UBE2F: variants seen among roughly 807,000 people sequenced by gnomAD.
The protein encoded by UBE2F is NEDD8-conjugating enzyme UBE2F.
UBE2F carries 5 observed loss-of-function variants against 29.6 expected under a neutral mutation model. That is an observed-to-expected ratio of 0.17 (90% CI 0.09 to 0.36). The LOEUF (loss-of-function observed/expected upper bound fraction) is 0.36. Ranked by LOEUF, UBE2F falls within the 10% of genes least tolerant of loss-of-function variation. UBE2F has a pLI of 1.00. For missense variants in UBE2F, 141 were observed against 228.5 expected, an observed-to-expected ratio of 0.62 and a Z score of 2.47; for synonymous variants, 66 against 81.8, an observed-to-expected ratio of 0.81 and a Z score of 1.04.
chr2:237,972,089 C>G (rs1053044427), intron 1 of UBE2F, among the ~76,000 whole-genome samples: 1 of 152,136 alleles, frequency 6.6e-6, no homozygotes, highest in African/African-American at 2.4e-5. Flanking sequence ...GTGGAAGCCA[C>G]CAATGAACAT....
chr2:238,021,959 A>G (rs1467617279), intron 5 of UBE2F, among the ~76,000 whole-genome samples: 1 of 152,132 alleles, frequency 6.6e-6, no homozygotes, highest in Non-Finnish European at 1.5e-5. Context: ...TGAGTAATTG[A>G]TGCTCCATTT....
At chr2:238,025,132 A>AC in intron 5 of UBE2F, 3 of 567,634 alleles carry the variant, frequency 5.3e-6, no homozygotes, top group Non-Finnish European at 9.7e-6. Flanking sequence ...TGCTGCTGAG[A>AC]CTAGCCCTTG....
At chr2:238,004,326 A>G (rs1054791685) in intron 4 of UBE2F, among the ~76,000 whole-genome samples, 1 of 152,160 alleles carries the variant, frequency 6.6e-6, no homozygotes, top group Non-Finnish European at 1.5e-5. Context: ...TAATTGTGGT[A>G]TTAATTTGCA....
At chr2:237,986,945 C>A (rs1307815259) in intron 2 of UBE2F, among the ~76,000 whole-genome samples, 1 of 152,032 alleles carries the variant, frequency 6.6e-6, no homozygotes, top group African/African-American at 2.4e-5. Context: ...CAACTTTGTT[C>A]TTTTTCAAGC....
intron 3 of UBE2F, among the ~76,000 whole-genome samples, chr2:237,993,743 T>G (rs1444936054): frequency 6.6e-6 from 1 of 152,216 alleles, no homozygotes; most frequent in Admixed American, 6.5e-5. Context: ...TTTTCTGATT[T>G]TATAGATGTA....
intron 1 of UBE2F, 60 bp from the exon 2 acceptor site, chr2:237,973,032 A>C: frequency 6.6e-7 from 1 of 1,511,636 alleles, no homozygotes; most frequent in South Asian, 1.3e-5. Flanking sequence ...CATTTTTCTC[A>C]GTGTCTAATT....
intron 3 of UBE2F, 43 bp downstream of exon 3, chr2:237,988,035 G>T: frequency 7.9e-7 from 1 of 1,272,872 alleles, no homozygotes; most frequent in Non-Finnish European, 1.1e-6. Context: ...TGAAATAATT[G>T]CATGAAGAAA....
intron 5 of UBE2F, among the ~76,000 whole-genome samples, chr2:238,024,762 C>T (rs1435963409): frequency 1.3e-5 from 2 of 152,134 alleles, no homozygotes; most frequent in East Asian, 1.9e-4. Flanking sequence ...ATACTTTATC[C>T]CCACAAATTC....
At chr2:237,988,977 C>T (rs2063533583) in intron 3 of UBE2F, among the ~76,000 whole-genome samples, 1 of 152,210 alleles carries the variant, frequency 6.6e-6, no homozygotes, top group Non-Finnish European at 1.5e-5. Context: ...TCAGGCAGTT[C>T]ACTTTTGTAA....
intron 5 of UBE2F, among the ~76,000 whole-genome samples, chr2:238,021,721 G>T (rs564354405): frequency 1.8e-4 from 28 of 152,276 alleles, no homozygotes; most frequent in African/African-American, 6.5e-4. Context: ...AGGCTCTGTG[G>T]ACCACATAGT....
intron 9 of UBE2F, 36 bp from the exon 10 acceptor site, chr2:238,041,252 G>A (rs1559233102): frequency 1.2e-6 from 2 of 1,607,874 alleles, no homozygotes; most frequent in Non-Finnish European, 1.7e-6. Flanking sequence ...CACTCCTCCT[G>A]TTCTTCTTTC....
chr2:238,004,555 T>C (rs534140595), intron 4 of UBE2F, among the ~76,000 whole-genome samples: 7 of 152,332 alleles, frequency 4.6e-5, no homozygotes, highest in African/African-American at 1.4e-4. Flanking sequence ...TAAATTCATT[T>C]GGGGATATCC....
chr2:238,028,224 TCCCCATTACCTG>T (rs1164739001), intron 6 of UBE2F, among the ~76,000 whole-genome samples: 1 of 152,222 alleles, frequency 6.6e-6, no homozygotes, highest in Non-Finnish European at 1.5e-5. Flanking sequence ...CGGCCTTGCC[TCCCCATTACCTG>T]CCCCAGCCAG....
chr2:237,989,679 T>G (rs1178068504), intron 3 of UBE2F, among the ~76,000 whole-genome samples: 1 of 152,058 alleles, frequency 6.6e-6, no homozygotes, highest in African/African-American at 2.4e-5. Context: ...CATATAGAAT[T>G]TATGGGTAGG....
intron 1 of UBE2F, among the ~76,000 whole-genome samples, chr2:237,972,039 C>T (rs2063186420): frequency 6.6e-6 from 1 of 152,218 alleles, no homozygotes; most frequent in African/African-American, 2.4e-5. Flanking sequence ...GTTGTCCCTA[C>T]TAGTGAGCTT....
At position 238,041,605 on chromosome 2, in the gene UBE2F, C is replaced by T. The variant is rs1051883850; in HGVS notation, c.*267C>T. The T allele has an allele frequency of 8.9e-6, 3 of 335,876 alleles. No individual in the cohort carries two copies. The highest frequency in any genetic ancestry group is 1.6e-5 in the Non-Finnish European group (3 of 182,488). The allele number at this position is 335,876 out of a possible 1,614,324, so 20.8% of individuals were successfully genotyped here. ...ACATGTTTACTTTTTTGAACTTGTA[C>T]TGTATAGGCTGTTGGTGAAATTCTT... On this transcript the variant is annotated 3_prime_UTR_variant, in exon 10 of 10. Coordinates refer to ENST00000272930, the MANE Select transcript of UBE2F (RefSeq NM_080678.3).
At chr2:237,979,843 C>T (rs2063346583) in intron 2 of UBE2F, among the ~76,000 whole-genome samples, 2 of 152,194 alleles carry the variant, frequency 1.3e-5, no homozygotes, top group Non-Finnish European at 2.9e-5. Context: ...CTTAGTGATA[C>T]CAGGCTCTGC....
At chr2:238,000,737 C>T (rs1258382561) in intron 4 of UBE2F, among the ~76,000 whole-genome samples, 1 of 152,122 alleles carries the variant, frequency 6.6e-6, no homozygotes, top group Non-Finnish European at 1.5e-5. Context: ...AAAACCACCG[C>T]CATTAAGTTT....
intron 2 of UBE2F, among the ~76,000 whole-genome samples, chr2:237,987,622 G>C (rs537357802): frequency 1.3e-5 from 2 of 152,140 alleles, no homozygotes; most frequent in African/African-American, 4.8e-5. Flanking sequence ...ATATAGATCA[G>C]GTTTTGAGAG....
Sources: allele counts gnomAD v4.1 joint callset (sites outside exome capture counted in the v4.1 genomes callset), GRCh38; gene constraint gnomAD v4.1.1; transcripts MANE v1.5; gene names NCBI Gene and HGNC (gene_info 2026-07-23, HGNC 2026-07-21).